CENPF: variants seen among roughly 807,000 people sequenced by gnomAD.
CENPF encodes the protein AH antigen.
CENPF carries 214 observed loss-of-function variants against 307.3 expected under a neutral mutation model. The observed-to-expected ratio is 0.70, with a 90% CI of 0.62 to 0.78. The LOEUF is 0.78. Ranked by LOEUF, CENPF falls within the 30% of genes least tolerant of loss-of-function variation. The pLI is 0.00. For missense variants in CENPF, 3,401 were observed against 3,483.9 expected (o/e 0.98, Z 0.60); for synonymous variants, 1,259 against 1,270.6 (o/e 0.99, Z 0.19).
At chr1:214,605,441 GT>G (rs201067704) in intron 1 of CENPF, 29,057 of 389,096 alleles carry the variant, frequency 0.075, no homozygotes, top group Middle Eastern at 0.096. Flanking sequence ...AATCCGCTTT[GT>G]TTTTTTTTTT....
chr1:214,645,881 C>T lies in CENPF; in HGVS notation c.6311C>T (p.Ala2104Val). 6.2e-7 allele frequency: 1 copy of T among 1,614,090 alleles called. No homozygotes were observed. The highest frequency in any genetic ancestry group is 8.5e-7 in the Non-Finnish European group (1 of 1,180,024). Residue 2104 changes from alanine (A) to valine (V), a missense_variant, in exon 13 of 20, where the codon GCA becomes GTA. Physicochemically the swap from Ala to Val is moderately conservative, Grantham distance 64. Coordinates refer to ENST00000366955, the MANE Select transcript of CENPF (RefSeq NM_016343.4). Reference sequence around the variant, plus strand: ...GCACTGGTGGAGAAAGGTGAGTTCGCATTGAGGCTGAGCTCAACACAGGAG... The same window carrying T: ...GCACTGGTGGAGAAAGGTGAGTTCGTATTGAGGCTGAGCTCAACACAGGAG... ...EAALVEKGEF[A>V]LRLSSTQEEV...
intron 15 of CENPF, among the ~76,000 whole-genome samples, chr1:214,652,303 G>T (rs1658501743): frequency 6.6e-6 from 1 of 151,720 alleles, no homozygotes; most frequent in South Asian, 2.1e-4. Context: ...CCAAAGTGCT[G>T]GGATTACAGG....
In CENPF at chr1:214,614,905, T is replaced by C; in HGVS notation, c.236T>C (p.Leu79Pro). The C allele has an allele frequency of 1.2e-6, 2 of 1,610,866 alleles. No individual in the cohort carries two copies. The highest frequency in any genetic ancestry group is 1.7e-6 in the Non-Finnish European group (2 of 1,178,638). ...NQRLMEICESLEKTKQKISHE... is the reference protein window; with the variant it reads ...NQRLMEICESPEKTKQKISHE... ...AGATTGATGGAAATATGTGAAAGTC[T>C]GGAGAAAACTAAGCAGAAGATTTCT... The change falls in exon 3 of 20, where the codon CTG becomes CCG. Residue 79 changes from leucine to proline, a missense_variant. By Grantham distance (98) the Leu-to-Pro change is moderately conservative (BLOSUM62 -3). Transcript: ENST00000366955.
Position 214,618,678 on chromosome 1 carries a change from A to G in CENPF, c.465A>G (p.Pro155=). The part of the protein sequence containing the change: ...PQKIFTTPLT[P]SQYYSGSKYE... ...AAATTTTTACAACTCCACTAACACC[A>G]AGTCAATATTATAGTGGTAATGCAT... The change falls in exon 4 of 20, where the codon CCA becomes CCG. Residue 155 remains proline, a synonymous_variant. Coordinates refer to ENST00000366955, the MANE Select transcript of CENPF (RefSeq NM_016343.4). The G allele has an allele frequency of 6.2e-7, 1 of 1,613,754 alleles. No homozygotes were observed. Among genetic ancestry groups the G allele is most frequent in the Non-Finnish European group, 8.5e-7 (1 of 1,179,772 alleles).
intron 5 of CENPF, 106 bp from the exon 6 acceptor site, chr1:214,620,549 G>T (rs1342162064): frequency 1.8e-6 from 2 of 1,141,228 alleles, no homozygotes; most frequent in East Asian, 4.7e-5. Flanking sequence ...GGTATGCAGT[G>T]CAACTGTTAA....
At chr1:214,615,326 T>C (rs1037747581) in intron 3 of CENPF, 17 of 188,730 alleles carry the variant, frequency 9.0e-5, no homozygotes, top group Non-Finnish European at 2.2e-5. Context: ...TCAGACACTA[T>C]TGGTCACTGA....
rs777231380 is a variant in CENPF, at chr1:214,640,186, A to T, written c.1848A>T (p.Lys616Asn). 1 of 1,594,868 alleles carries T rather than the reference A, an allele frequency of 6.3e-7. No homozygotes were observed. Among genetic ancestry groups the T allele is most frequent in the Non-Finnish European group, 8.5e-7 (1 of 1,175,418 alleles). Residue 616 changes from lysine to asparagine, a missense_variant, in exon 12 of 20, where the codon AAA (lysine) becomes AAT (asparagine). Coordinates refer to ENST00000366955, the MANE Select transcript of CENPF (RefSeq NM_016343.4). The stretch of plus-strand genomic sequence containing the variant: ...AATATGAAGAATTGAAAGAAGAGAA[A>T]ACTCTGTTTTCTTGTTGGAAAAGTG... ...KKEYEELKEE[K>N]TLFSCWKSEN...
At chr1:214,625,200 CAAT>C (rs977826034) in intron 7 of CENPF, among the ~76,000 whole-genome samples, 3 of 152,000 alleles carry the variant, frequency 2.0e-5, no homozygotes, top group Non-Finnish European at 2.9e-5. Flanking sequence ...CCATGTTTTT[CAAT>C]ATACTCTTTC....
chr1:214,624,245 TC>T lies in CENPF; in HGVS notation c.1068+1968del, dbSNP rs1369569117. 2.6e-5 allele frequency among the ~76,000 whole-genome samples: 4 copies of T among 152,246 alleles called. No individual in the cohort carries two copies. In the South Asian group the frequency reaches 8.3e-4, roughly 32 times the overall value. The stretch of plus-strand genomic sequence containing the variant: ...AGGATATTGGTTGGCTTTCTTTTTT[TC>T]CCCTGCCATCTTTGTTTGATATTTG... On this transcript the variant is annotated intron_variant, in intron 7 of 19. Coordinates refer to ENST00000366955, the MANE Select transcript of CENPF (RefSeq NM_016343.4).
chr1:214,649,305 C>T (rs1013942798), intron 14 of CENPF, among the ~76,000 whole-genome samples: 2 of 152,190 alleles, frequency 1.3e-5, no homozygotes, highest in African/African-American at 4.8e-5. Flanking sequence ...CTGCCCACTG[C>T]CATTTCCATA....
In CENPF at chr1:214,646,266, A is replaced by G. The variant is rs780804728; in HGVS notation, c.6696A>G (p.Leu2232=). 2 of 1,614,122 alleles carry G rather than the reference A, an allele frequency of 1.2e-6. No individual in the cohort carries two copies. The highest frequency in any genetic ancestry group is 1.7e-6 in the Non-Finnish European group (2 of 1,180,010). Residue 2232 remains leucine, a synonymous_variant, in exon 13 of 20, where the codon TTA becomes TTG. Transcript: ENST00000366955. ...KQGQLSELDK[L]LSSFKSLLEE... ...GTCAGTTGTCAGAACTAGACAAGTTACTCTCTTCATTTAAAAGTCTGTTAG... is the reference window on the plus strand; with the variant it reads ...GTCAGTTGTCAGAACTAGACAAGTTGCTCTCTTCATTTAAAAGTCTGTTAG...
Position 214,620,902 on chromosome 1 carries a change from C to G in CENPF, c.821C>G (p.Ser274Cys), listed in dbSNP as rs1657488095. Reference sequence around the variant, plus strand: ...GCTAATAGCAGTTTCTTTGACAATTCTAGCAGTCCTCATCTTTTGGATCAA... The same window carrying G: ...GCTAATAGCAGTTTCTTTGACAATTGTAGCAGTCCTCATCTTTTGGATCAA... ...RDANSSFFDN[S>C]SSPHLLDQLK... is the part of the protein sequence containing the mutation. The change falls in exon 6 of 20, where the codon TCT becomes TGT. Residue 274 changes from serine (S) to cysteine (C), a missense_variant. Transcript: ENST00000366955. 6.2e-7 allele frequency: 1 copy of G among 1,613,506 alleles called. No individual in the cohort carries two copies. Among genetic ancestry groups the G allele is most frequent in the Admixed American group, 1.7e-5 (1 of 59,942 alleles).
intron 19 of CENPF, 95 bp from the exon 20 acceptor site, chr1:214,663,495 GA>G: frequency 1.7e-6 from 2 of 1,192,822 alleles, no homozygotes; most frequent in Non-Finnish European, 2.4e-6. Context: ...TAGAGAAGAA[GA>G]ACTTAATTTA....
At chr1:214,655,471 G>A in intron 17 of CENPF, 68 bp downstream of exon 17, 1 of 1,263,488 alleles carries the variant, frequency 7.9e-7, no homozygotes, top group Non-Finnish European at 1.1e-6. Context: ...CATATGGTAT[G>A]CGTGCATAGG....
chr1:214,662,735 G>T (rs547767762), intron 19 of CENPF, among the ~76,000 whole-genome samples: 1 of 151,188 alleles, frequency 6.6e-6, no homozygotes, highest in Non-Finnish European at 1.5e-5. Flanking sequence ...CATTTTTCTT[G>T]CACTTTTTTC....
At chr1:214,643,980 G>T (rs556780903) in intron 12 of CENPF, among the ~76,000 whole-genome samples, 1 of 152,344 alleles carries the variant, frequency 6.6e-6, no homozygotes, top group Non-Finnish European at 1.5e-5. Context: ...TCTCTGTGAG[G>T]TAGAGAAGGC....
At chr1:214,657,982 C>A (rs1658686396) in intron 18 of CENPF, among the ~76,000 whole-genome samples, 2 of 152,148 alleles carry the variant, frequency 1.3e-5, no homozygotes, top group Admixed American at 6.5e-5. Flanking sequence ...AAGCACATAT[C>A]ATGTTTTCTA....
chr1:214,646,786 G>T lies in CENPF; in HGVS notation c.7216G>T (p.Glu2406Ter). The T allele has an allele frequency of 6.2e-7, 1 of 1,611,796 alleles. No individual in the cohort carries two copies. The highest frequency in any genetic ancestry group is 1.1e-5 in the South Asian group (1 of 90,694). The change falls in exon 13 of 20, where the codon GAG becomes TAG. Residue 2406 changes from glutamate (E) to a stop codon, truncating the protein, a stop_gained. Transcript: ENST00000366955. LOFTEE classifies it high-confidence loss of function. Reference sequence around the variant, plus strand: ...GACAAATGAATTACAAAAAGAGCAAGAGCGAATATCTGAATTAGAAATAAT... The same window carrying T: ...GACAAATGAATTACAAAAAGAGCAATAGCGAATATCTGAATTAGAAATAAT... ...NLTNELQKEQ[E>*]RISELEIINS...
Position 214,640,416 on chromosome 1 carries a change from T to A in CENPF, c.2078T>A (p.Val693Glu). 1 of 1,613,850 alleles carries A rather than the reference T, an allele frequency of 6.2e-7. No individual in the cohort carries two copies. Residue 693 changes from valine (V) to glutamate (E), a missense_variant, in exon 12 of 20, where the codon GTA (valine) becomes GAA (glutamate). Transcript: ENST00000366955. ...HNVLDSKSVE[V>E]ETQKLAYMEL... is the part of the protein sequence containing the mutation. ...GTGTTAGACAGTAAGTCAGTGGAGG[T>A]AGAGACCCAGAAACTAGCTTATATG...
Sources: gnomAD v4.1 joint callset for allele counts (sites outside exome capture counted in the v4.1 genomes callset) on GRCh38, gnomAD v4.1.1 for gene constraint, MANE v1.5 for transcripts, NCBI Gene and HGNC (gene_info 2026-07-23, HGNC 2026-07-21) for gene names.